C2orf92: variants seen among roughly 807,000 people sequenced by gnomAD.
C2orf92 encodes uncharacterized protein C2orf92.
At chr2:97,665,643 TAAAG>T (rs1675182981), upstream of C2orf92, among the ~76,000 whole-genome samples, 2 of 150,670 alleles carry the variant, frequency 1.3e-5, no homozygotes, top group South Asian at 4.2e-4. Context: ...CTTTTTGATT[TAAAG>T]AAAGTTATCC....
At chr2:97,692,058 A>G (rs1371657224) in intron 5 of C2orf92, among the ~76,000 whole-genome samples, 1 of 152,188 alleles carries the variant, frequency 6.6e-6, no homozygotes. Flanking sequence ...TCAAAAGGCT[A>G]TGGTATTCTG....
At chr2:97,681,106 C>CAA (rs58856044) in intron 3 of C2orf92, among the ~76,000 whole-genome samples, 2,341 of 11,932 alleles carry the variant, frequency 0.2, 588 homozygotes, top group Middle Eastern at 0.28. Flanking sequence ...GACTCCATCT[C>CAA]AAAAAAAAAA....
At chr2:97,673,511 C>G (rs1361882503) in intron 1 of C2orf92, among the ~76,000 whole-genome samples, 2 of 152,182 alleles carry the variant, frequency 1.3e-5, no homozygotes, top group African/African-American at 4.8e-5. Flanking sequence ...AGGAAGTTGA[C>G]AGAGACATCG....
intron 3 of C2orf92, among the ~76,000 whole-genome samples, chr2:97,683,957 T>G (rs1315116708): frequency 6.8e-6 from 1 of 147,382 alleles, no homozygotes; most frequent in Admixed American, 6.8e-5. Flanking sequence ...CTCCGCCTCC[T>G]GGGTTCACGC....
intron 4 of C2orf92, among the ~76,000 whole-genome samples, chr2:97,690,011 G>A (rs1467678495): frequency 2.0e-5 from 3 of 151,966 alleles, no homozygotes; most frequent in African/African-American, 7.2e-5. Flanking sequence ...CATGCCTGTA[G>A]TCCCAGCTAC....
chr2:97,664,079 C>G (rs1250280307), upstream of C2orf92: 3 of 292,196 alleles, frequency 1.0e-5, no homozygotes, highest in African/African-American at 6.7e-5. Context: ...ATCGCTCCCA[C>G]CTGGCCCGAT....
chr2:97,684,240 G>A (rs990507223), intron 3 of C2orf92, among the ~76,000 whole-genome samples: 1 of 151,852 alleles, frequency 6.6e-6, no homozygotes, highest in Non-Finnish European at 1.5e-5. Flanking sequence ...TTTCACCATG[G>A]TAGCCAGGAT....
upstream of C2orf92, among the ~76,000 whole-genome samples, chr2:97,665,171 G>A (rs2053824): frequency 0.69 from 104,298 of 152,084 alleles, 36,772 homozygotes; most frequent in Non-Finnish European, 0.73. Flanking sequence ...CAAGAGTGCA[G>A]GATAGTTGAG....
chr2:97,667,710 G>A (rs553818454), upstream of C2orf92, among the ~76,000 whole-genome samples: 46 of 152,204 alleles, frequency 3.0e-4, no homozygotes, highest in African/African-American at 1.0e-3. Flanking sequence ...GGGATTACAG[G>A]TGTGAGCCAC....
intron 5 of C2orf92, chr2:97,697,803 C>A (rs1424001673): frequency 1.3e-5 from 2 of 152,178 alleles, no homozygotes; most frequent in African/African-American, 4.8e-5. Context: ...TTATAGCTCT[C>A]TGCAGCCTTG....
rs576404030 is a variant in C2orf92, at chr2:97,700,340, A to G, written c.515-814A>G. ...ACACGAGGCAGATTGTGTATGCAGT[A>G]CAACTTTCTGAGGCCAGGGGGCAGA... is the stretch of plus-strand genomic sequence containing the variant. On this transcript the variant is annotated intron_variant, in intron 6 of 7. Transcript: ENST00000627399. Among the ~76,000 whole-genome samples the G allele has an allele frequency of 3.3e-5, 5 of 152,326 alleles. 1 individual carries two copies. In the South Asian group the frequency reaches 1.0e-3, roughly 32 times the overall value.
At chr2:97,677,127 A>G (rs923220152) in intron 3 of C2orf92, among the ~76,000 whole-genome samples, 14 of 152,224 alleles carry the variant, frequency 9.2e-5, no homozygotes, top group African/African-American at 3.4e-4. Flanking sequence ...GCCATCCTCC[A>G]TTCCCAAGCC....
chr2:97,679,154 T>G (rs1675678200), intron 3 of C2orf92, among the ~76,000 whole-genome samples: 1 of 147,682 alleles, frequency 6.8e-6, no homozygotes, highest in Admixed American at 6.9e-5. Context: ...GAAGGGACAT[T>G]TAACAGTCAC....
At chr2:97,664,745 A>C (rs150399844), upstream of C2orf92, 2 of 151,428 alleles carry the variant, frequency 1.3e-5, no homozygotes, top group African/African-American at 4.9e-5. Context: ...TAATTAAAAA[A>C]AATTTTTTTT....
intron 1 of C2orf92, among the ~76,000 whole-genome samples, chr2:97,672,725 C>T (rs1300276842): frequency 6.6e-6 from 1 of 152,028 alleles, no homozygotes; most frequent in African/African-American, 2.4e-5. Context: ...GCAGCATTTC[C>T]AGGGACTCGT....
chr2:97,672,786 C>T (rs1675455162), intron 1 of C2orf92, among the ~76,000 whole-genome samples: 1 of 152,052 alleles, frequency 6.6e-6, no homozygotes, highest in South Asian at 2.1e-4. Flanking sequence ...CCTCATTGTC[C>T]TGGTGACCCC....
chr2:97,670,525 A>G (rs963270847), intron 1 of C2orf92: 1 of 151,962 alleles, frequency 6.6e-6, no homozygotes, highest in Non-Finnish European at 1.5e-5. Flanking sequence ...TTTATAGGAT[A>G]TAATATATAA....
chr2:97,668,119 T>A (rs1198525764), upstream of C2orf92: 1 of 152,242 alleles, frequency 6.6e-6, no homozygotes, highest in Non-Finnish European at 1.5e-5. Flanking sequence ...AATTTGGACA[T>A]TTTCTGTCCT....
upstream of C2orf92, chr2:97,669,638 C>T (rs564454256): frequency 1.5e-5 from 6 of 393,268 alleles, no homozygotes; most frequent in African/African-American, 1.0e-4. Context: ...CAGGCCCTTC[C>T]CCTTCTCATG....
Sources: allele counts gnomAD v4.1 joint callset (sites outside exome capture counted in the v4.1 genomes callset), GRCh38; gene constraint gnomAD v4.1.1; transcripts MANE v1.5; gene names NCBI Gene and HGNC (gene_info 2026-07-23, HGNC 2026-07-21).